LRP2: variants seen among roughly 807,000 people sequenced by gnomAD.
The protein encoded by LRP2 is LDL receptor related protein 2, also known as low-density lipoprotein receptor-related protein 2.
LRP2 carries 172 observed loss-of-function variants against 531.0 expected under a neutral mutation model. The observed-to-expected ratio is 0.32, with a 90% CI of 0.29 to 0.37. The LOEUF is 0.37. LRP2 is among the 10% of genes least tolerant of loss of function. LRP2 has a pLI of 1.00. For missense variants in LRP2, 5,167 were observed against 5,868.3 expected (o/e 0.88, Z 3.90); for synonymous variants, 1,992 against 2,027.6 (o/e 0.98, Z 0.47).
At chr2:169,221,880 T>C (rs1282595840) in intron 33 of LRP2, among the ~76,000 whole-genome samples, 2 of 152,172 alleles carry the variant, frequency 1.3e-5, no homozygotes, top group African/African-American at 4.8e-5. Flanking sequence ...ACAGTTCCTT[T>C]TCTTGCTTTC....
intron 1 of LRP2, among the ~76,000 whole-genome samples, chr2:169,335,627 C>G (rs1685382135): frequency 6.6e-6 from 1 of 152,054 alleles, no homozygotes; most frequent in Non-Finnish European, 1.5e-5. Context: ...TCAGCATAGA[C>G]AGCAGAGAGA....
intron 22 of LRP2, among the ~76,000 whole-genome samples, chr2:169,243,898 A>G (rs750397954): frequency 6.6e-6 from 1 of 152,206 alleles, no homozygotes; most frequent in East Asian, 1.9e-4. Context: ...CATGACCCAC[A>G]TGCCTAGTAG....
In LRP2 at chr2:169,185,981, C is replaced by T. The variant is rs370116012; in HGVS notation, c.9367G>A (p.Asp3123Asn). The change falls in exon 50 of 79, where the codon GAT (aspartate) becomes AAT (asparagine). Residue 3123 changes from aspartate to asparagine, a missense_variant. By Grantham distance (23) the Asp-to-Asn change is conservative. Around this residue, in one of 6 missense-constraint regions of LRP2, gnomAD observed 1,129 missense variants for 1,362.7 expected, o/e 0.83. Coordinates refer to ENST00000649046, the MANE Select transcript of LRP2 (RefSeq NM_004525.3). ...GTTAAGGTGTCTGTGCAGTTGTGAT[C>T]GCAGCCACTGATTGAAGGGTCATGG... ...ECHDPSISGC[D>N]HNCTDTLTSF... The T allele has an allele frequency of 6.2e-6, 10 of 1,613,530 alleles. No homozygotes were observed. The highest frequency in any genetic ancestry group is 1.1e-5 in the South Asian group (1 of 91,000).
At chr2:169,354,561 A>G (rs566941091) in intron 1 of LRP2, among the ~76,000 whole-genome samples, 5 of 152,342 alleles carry the variant, frequency 3.3e-5, no homozygotes, top group African/African-American at 1.2e-4. Flanking sequence ...GTCATTATCT[A>G]GGAAAGACTT....
At chr2:169,354,045 TTACTC>T (rs1228695348) in intron 1 of LRP2, among the ~76,000 whole-genome samples, 1 of 152,098 alleles carries the variant, frequency 6.6e-6, no homozygotes, top group East Asian at 1.9e-4. Context: ...TTTTCAACCT[TTACTC>T]AGGAAATTTT....
chr2:169,361,366 C>CTG (rs1686151992), intron 1 of LRP2, among the ~76,000 whole-genome samples: 11 of 114,800 alleles, frequency 9.6e-5, no homozygotes, highest in South Asian at 2.8e-4. Flanking sequence ...CTCTCTCTCT[C>CTG]TCTCTCTCTC....
At chr2:169,296,961 A>T (rs72878492) in intron 4 of LRP2, among the ~76,000 whole-genome samples, 11 of 152,236 alleles carry the variant, frequency 7.2e-5, no homozygotes, top group Non-Finnish European at 1.5e-4. Flanking sequence ...ACTGATAAAG[A>T]ATCACTCTCA....
chr2:169,171,051 A>C (rs557598468), intron 58 of LRP2, among the ~76,000 whole-genome samples: 1 of 149,896 alleles, frequency 6.7e-6, no homozygotes, highest in African/African-American at 2.5e-5. Context: ...GTGTTCCACC[A>C]TGCCCAGCTT....
In LRP2 at chr2:169,295,082, C is replaced by A. The variant is rs549112834; in HGVS notation, c.428-372G>T. ...TAACTTTAGTTCAAAATCAAACATT[C>A]TTTTACATGATACAGATAACATCCC... is the stretch of plus-strand genomic sequence containing the variant. On this transcript the variant is annotated intron_variant, in intron 4 of 78. Coordinates refer to ENST00000649046, the MANE Select transcript of LRP2 (RefSeq NM_004525.3). 2.6e-5 allele frequency among the ~76,000 whole-genome samples: 4 copies of A among 152,290 alleles called. No individual in the cohort carries two copies. In the East Asian group the frequency reaches 5.8e-4, roughly 22 times the overall value.
chr2:169,214,207 A>T (rs1241306427), intron 35 of LRP2, among the ~76,000 whole-genome samples: 1 of 152,162 alleles, frequency 6.6e-6, no homozygotes, highest in Non-Finnish European at 1.5e-5. Context: ...AGCGTGGGCC[A>T]TTGCACAGGA....
At chr2:169,178,580 A>T (rs1299368445) in intron 52 of LRP2, among the ~76,000 whole-genome samples, 1 of 152,230 alleles carries the variant, frequency 6.6e-6, no homozygotes, top group African/African-American at 2.4e-5. Context: ...CACCAGCAGG[A>T]CATTTATTAT....
rs182171587 is a variant in LRP2, at chr2:169,304,241, G to A, written c.427+3040C>T. On this transcript the variant is annotated intron_variant, in intron 4 of 78. Coordinates refer to ENST00000649046, the MANE Select transcript of LRP2 (RefSeq NM_004525.3). ...TTTTGGCTGGTGGTACAGGCCTCTGGTGGTCTCTTAACTTGTACAAGATAG... is the reference window on the plus strand; with the variant it reads ...TTTTGGCTGGTGGTACAGGCCTCTGATGGTCTCTTAACTTGTACAAGATAG... Among the ~76,000 whole-genome samples, 99 of 152,286 alleles carry A rather than the reference G, an allele frequency of 6.5e-4. 1 individual carries two copies. In the East Asian group the frequency reaches 0.015, roughly 23 times the overall value.
intron 58 of LRP2, among the ~76,000 whole-genome samples, chr2:169,171,276 G>A (rs1420807398): frequency 6.6e-6 from 1 of 152,106 alleles, no homozygotes; most frequent in African/African-American, 2.4e-5. Context: ...GGTAAACAAA[G>A]TTAGAATGTG....
chr2:169,305,893 C>A (rs969298742), intron 4 of LRP2, among the ~76,000 whole-genome samples: 2 of 152,030 alleles, frequency 1.3e-5, no homozygotes, highest in African/African-American at 4.8e-5. Flanking sequence ...AGCACGGGAA[C>A]ATGGTGTTCA....
At chr2:169,254,972 C>T (rs1690245701) in intron 19 of LRP2, among the ~76,000 whole-genome samples, 1 of 152,042 alleles carries the variant, frequency 6.6e-6, no homozygotes, top group South Asian at 2.1e-4. Flanking sequence ...TTAAATACCA[C>T]ACACTCCTCC....
At chr2:169,211,258 T>C (rs1416467208) in intron 37 of LRP2, among the ~76,000 whole-genome samples, 1 of 152,196 alleles carries the variant, frequency 6.6e-6, no homozygotes, top group Non-Finnish European at 1.5e-5. Context: ...CCTTCCTTTC[T>C]ACCCTCTATT....
At chr2:169,158,156 A>C (rs1032995277) in intron 63 of LRP2, among the ~76,000 whole-genome samples, 1 of 151,460 alleles carries the variant, frequency 6.6e-6, no homozygotes, top group East Asian at 1.9e-4. Flanking sequence ...TAGAGTTCTA[A>C]ATCATACAAC....
chr2:169,328,451 A>AAAAG (rs1685178601), intron 1 of LRP2, among the ~76,000 whole-genome samples: 2 of 135,966 alleles, frequency 1.5e-5, no homozygotes, highest in South Asian at 2.2e-4. Context: ...TAAAAAAAAA[A>AAAAG]AAAAAAAAAA....
At chr2:169,172,810 T>C (rs1193018902) in intron 57 of LRP2, among the ~76,000 whole-genome samples, 1 of 152,248 alleles carries the variant, frequency 6.6e-6, no homozygotes, top group African/African-American at 2.4e-5. Context: ...TTGTCAAGTA[T>C]GAATAAGGAT....
Sources: gnomAD v4.1 joint callset for allele counts (sites outside exome capture counted in the v4.1 genomes callset) on GRCh38, gnomAD v4.1.1 for gene constraint, gnomAD v4.1.1 regional missense constraint, MANE v1.5 for transcripts, NCBI Gene and HGNC (gene_info 2026-07-23, HGNC 2026-07-21) for gene names.